Variants in RPE65 observed in about 807,000 individuals in gnomAD.
RPE65 encodes retinoid isomerohydrolase.
A neutral mutation model predicts 68.5 loss-of-function variants in RPE65; 58 were observed. The ratio of observed to expected loss-of-function variants is 0.85; its 90% CI spans 0.69 to 1.05. RPE65 has a LOEUF of 1.05. RPE65 is among the 50% of genes least tolerant of loss of function. RPE65 has a pLI of 0.00. For missense variants in RPE65, 643 were observed against 629.9 expected (o/e 1.02, Z -0.22); for synonymous variants, 220 against 222.2 (o/e 0.99, Z 0.09).
intron 13 of RPE65, 112 bp from the exon 14 acceptor site, chr1:68,430,039 T>C (rs751474891): frequency 1.4e-6 from 2 of 1,393,766 alleles, no homozygotes; most frequent in Non-Finnish European, 2.0e-6. Context: ...TAGAAAACCA[T>C]ATGACCTGAC....
chr1:68,436,702 G>A (rs34194247), intron 10 of RPE65, among the ~76,000 whole-genome samples: 24,465 of 151,730 alleles, frequency 0.16, 2,316 homozygotes, highest in East Asian at 0.39. Context: ...TCCCAACCTC[G>A]GGTGATGCAC....
chr1:68,429,593 T>C lies in RPE65; in HGVS notation c.*183A>G, dbSNP rs1645805546. On this transcript the variant is annotated 3_prime_UTR_variant, in exon 14 of 14. Transcript: ENST00000262340. ...AGTATGATTATCTAAATACGTACTT[T>C]TTTTTTTAAATAAAGGAATTGCTTG... 2 of 652,896 alleles carry C rather than the reference T, an allele frequency of 3.1e-6. No homozygotes were observed. Among genetic ancestry groups the C allele is most frequent in the Middle Eastern group, 4.2e-4 (1 of 2,360 alleles). 40.4% of individuals were successfully genotyped at this position (652,896 alleles called of 1,614,324 possible).
chr1:68,446,587 A>G (rs1571172083), intron 3 of RPE65, 123 bp downstream of exon 3: 1 of 1,094,390 alleles, frequency 9.1e-7, no homozygotes. Context: ...GCCCAGGTAC[A>G]TTGTGAGAAG....
At chr1:68,446,612 G>T in intron 3 of RPE65, 98 bp downstream of exon 3, 1 of 1,431,146 alleles carries the variant, frequency 7.0e-7, no homozygotes, top group Non-Finnish European at 9.8e-7. Flanking sequence ...TGGGTATATA[G>T]GTTGCCTCCT....
At position 68,439,196 on chromosome 1, in the gene RPE65, T is replaced by C; in HGVS notation, c.853A>G (p.Met285Val). ...YMDCFESNETMGVWLHIADKK... is the reference protein window; with the variant it reads ...YMDCFESNETVGVWLHIADKK... Reference sequence around the variant, plus strand: ...CAAATATATCTAAGACTTACCCCCATGGTTTCATTGGACTCAAAACAATCC... The same window carrying C: ...CAAATATATCTAAGACTTACCCCCACGGTTTCATTGGACTCAAAACAATCC... Residue 285 changes from methionine to valine, a missense_variant, in exon 8 of 14, where the codon ATG becomes GTG. Met to Val is a conservative substitution (Grantham distance 21). Coordinates refer to ENST00000262340, the MANE Select transcript of RPE65 (RefSeq NM_000329.3). 1.2e-6 allele frequency: 2 copies of C among 1,614,074 alleles called. No individual in the cohort carries two copies. The highest frequency in any genetic ancestry group is 1.7e-6 in the Non-Finnish European group (2 of 1,179,968).
intron 5 of RPE65, among the ~76,000 whole-genome samples, chr1:68,442,417 G>C (rs1645909939): frequency 6.6e-6 from 1 of 152,204 alleles, no homozygotes; most frequent in Non-Finnish European, 1.5e-5. Context: ...CATGCGTAGA[G>C]GAGGCGAAAT....
chr1:68,431,060 A>T lies in RPE65; in HGVS notation c.1450+5T>A. Reference sequence around the variant, plus strand: ...GTATTCAGACACAACAATTGCTTTCATTACCATCATCTTCTTCCAAGGCAT... The same window carrying T: ...GTATTCAGACACAACAATTGCTTTCTTTACCATCATCTTCTTCCAAGGCAT... On this transcript the variant is annotated splice_donor_5th_base_variant and intron_variant, in intron 13 of 13. Transcript: ENST00000262340. The T allele has an allele frequency of 1.2e-6, 2 of 1,610,190 alleles. No individual in the cohort carries two copies. The highest frequency in any genetic ancestry group is 1.7e-6 in the Non-Finnish European group (2 of 1,176,524).
chr1:68,442,173 T>G lies in RPE65; in HGVS notation c.496-1173A>C, dbSNP rs1047769680. 1.6e-4 allele frequency among the ~76,000 whole-genome samples: 25 copies of G among 152,338 alleles called. 1 individual carries two copies. The highest frequency in any genetic ancestry group is 5.5e-4 in the African/African-American group (23 of 41,584). On this transcript the variant is annotated intron_variant, in intron 5 of 13. Transcript: ENST00000262340. Reference sequence around the variant, plus strand: ...ACCAATAAGCCGGTGTAAAGCACTGTGAGTGTGCAATGGCATCGTAGAGAA... The same window carrying G: ...ACCAATAAGCCGGTGTAAAGCACTGGGAGTGTGCAATGGCATCGTAGAGAA...
chr1:68,448,001 A>G (rs1044120403), intron 2 of RPE65, among the ~76,000 whole-genome samples: 2 of 152,254 alleles, frequency 1.3e-5, no homozygotes, highest in Non-Finnish European at 2.9e-5. Context: ...ACTAATAATG[A>G]TACTGATAGT....
intron 9 of RPE65, 89 bp from the exon 10 acceptor site, chr1:68,438,405 C>T (rs1476274058): frequency 2.0e-6 from 3 of 1,473,524 alleles, no homozygotes; most frequent in African/African-American, 2.8e-5. Flanking sequence ...CAAGTGCCTG[C>T]CTGTTCTTTA....
chr1:68,434,933 A>G (rs1459540451), intron 10 of RPE65, among the ~76,000 whole-genome samples: 1 of 152,082 alleles, frequency 6.6e-6, no homozygotes, highest in African/African-American at 2.4e-5. Flanking sequence ...CTTCATTGCC[A>G]AACTTTTAAG....
intron 3 of RPE65, 83 bp from the exon 4 acceptor site, chr1:68,444,966 GTGTC>G: frequency 1.8e-6 from 2 of 1,109,162 alleles, no homozygotes; most frequent in African/African-American, 1.5e-5. Context: ...GCCATTCTAT[GTGTC>G]CTCATCAAGT....
At chr1:68,448,551 A>G in intron 2 of RPE65, 73 bp downstream of exon 2, 1 of 1,419,580 alleles carries the variant, frequency 7.0e-7, no homozygotes, top group Non-Finnish European at 9.9e-7. Flanking sequence ...GCACTGAGAG[A>G]CGCCAAGGAA....
intron 1 of RPE65, among the ~76,000 whole-genome samples, chr1:68,449,041 CAAAT>C (rs997872547): frequency 3.9e-5 from 6 of 152,276 alleles, no homozygotes; most frequent in African/African-American, 1.2e-4. Flanking sequence ...CTTCGGAAGA[CAAAT>C]CAATCAATCC....
chr1:68,440,719 A>G, intron 6 of RPE65, 134 bp downstream of exon 6: 1 of 1,117,310 alleles, frequency 9.0e-7, no homozygotes, highest in Non-Finnish European at 1.3e-6. Flanking sequence ...GGATGAGGGC[A>G]GTACTTCTGA....
Position 68,429,699 on chromosome 1 carries a change from T to C in RPE65, c.*77A>G. On this transcript the variant is annotated 3_prime_UTR_variant, in exon 14 of 14. Coordinates refer to ENST00000262340, the MANE Select transcript of RPE65 (RefSeq NM_000329.3). The stretch of plus-strand genomic sequence containing the variant: ...AACCATGACATATAGCAGGCTAAAA[T>C]TGAACAGAATTTGATTGCAGACCTG... 1.3e-6 allele frequency: 2 copies of C among 1,587,950 alleles called. No homozygotes were observed. The highest frequency in any genetic ancestry group is 8.6e-7 in the Non-Finnish European group (1 of 1,160,362).
In RPE65 at chr1:68,430,731, T is replaced by G. The variant is rs76989114; in HGVS notation, c.1450+334A>C. ...TAGCTTCCCTTCTTAGAATTGCTATTTTTTTAGAAATATGTCTTCGTCAGG... is the reference window on the plus strand; with the variant it reads ...TAGCTTCCCTTCTTAGAATTGCTATGTTTTTAGAAATATGTCTTCGTCAGG... On this transcript the variant is annotated intron_variant, in intron 13 of 13. Transcript: ENST00000262340. Among the ~76,000 whole-genome samples, 968 of 152,254 alleles carry G rather than the reference T, an allele frequency of 6.4e-3. 2 individuals carry two copies. Among genetic ancestry groups the G allele is most frequent in the Non-Finnish European group, 0.011 (745 of 68,000 alleles).
chr1:68,437,124 C>T (rs1645867962), intron 10 of RPE65, among the ~76,000 whole-genome samples: 1 of 152,176 alleles, frequency 6.6e-6, no homozygotes, highest in South Asian at 2.1e-4. Flanking sequence ...CTAAAATACA[C>T]TTAAAATACA....
rs1480368460 is a variant in RPE65 at position 68,431,177 on chromosome 1, C to T, written c.1339-1G>A. On this transcript the variant is annotated splice_acceptor_variant, in intron 12 of 13. Transcript: ENST00000262340. LOFTEE classifies it high-confidence loss of function. ...TAGTTTTGACATTCAGCTTACAGAG[C>T]TGTTTGTGAGAAAGAAAAATCAATC... 6.2e-7 allele frequency: 1 copy of T among 1,613,448 alleles called. No individual in the cohort carries two copies. The highest frequency in any genetic ancestry group is 1.3e-5 in the African/African-American group (1 of 74,892).
Sources: allele counts gnomAD v4.1 joint callset (sites outside exome capture counted in the v4.1 genomes callset), GRCh38; gene constraint gnomAD v4.1.1; transcripts MANE v1.5; gene names NCBI Gene and HGNC (gene_info 2026-07-23, HGNC 2026-07-21).